Variants in KRT33B observed in about 807,000 individuals in gnomAD.
The protein encoded by KRT33B is keratin 33B, also known as keratin, type I cuticular Ha3-II.
In KRT33B, 37 loss-of-function variants were observed where a neutral mutation model predicts 42.7. The observed-to-expected ratio is 0.87, with a 90% CI of 0.67 to 1.14. The LOEUF is 1.14. Ranked by LOEUF, KRT33B falls within the 50% of genes most tolerant of loss-of-function variation. KRT33B has a pLI of 0.00. For synonymous variants in KRT33B, 237 were observed against 221.2 expected, an observed-to-expected ratio of 1.07 and a Z score of -0.63; for missense variants, 523 against 515.1, an observed-to-expected ratio of 1.02 and a Z score of -0.15.
chr17:41,363,902 T>C lies in KRT33B; in HGVS notation c.1149A>G (p.Gly383=). The change falls in exon 7 of 7, where the codon GGA becomes GGG. Residue 383 remains glycine (G), a synonymous_variant. Transcript: ENST00000251646. The part of the protein sequence containing the change: ...ATTNACEKPI[G]SCVTNPCGPR... ...GACCACAAGGATTGGTGACACAGGA[T>C]CCAATGGGCTTTTCACATGCATTGG... 2 of 1,611,740 alleles carry C rather than the reference T, an allele frequency of 1.2e-6. No homozygotes were observed.
intron 1 of KRT33B, among the ~76,000 whole-genome samples, chr17:41,368,627 A>T (rs778799082): frequency 6.6e-6 from 1 of 150,966 alleles, no homozygotes; most frequent in Non-Finnish European, 1.5e-5. Flanking sequence ...ACACTCTCCA[A>T]CTCTGGGTAA....
At chr17:41,364,026 C>T in intron 6 of KRT33B, 73 bp from the exon 7 acceptor site, 1 of 1,079,118 alleles carries the variant, frequency 9.3e-7, no homozygotes, top group South Asian at 1.4e-5. Flanking sequence ...TCCAAAGAGA[C>T]ACAGAAACAA....
rs779302453 is a variant in KRT33B, at chr17:41,369,437, G to A, written c.314C>T (p.Ser105Phe). The A allele has an allele frequency of 1.2e-6, 2 of 1,613,378 alleles. No individual in the cohort carries two copies. Among genetic ancestry groups the A allele is most frequent in the Admixed American group, 1.7e-5 (1 of 60,020 alleles). The change falls in exon 1 of 7, where the codon TCC becomes TTC. Residue 105 changes from serine to phenylalanine, a missense_variant. By Grantham distance (155) the Ser-to-Phe change is radical. Transcript: ENST00000251646. The stretch of plus-strand genomic sequence containing the variant: ...GAGCTCCTCAATGGTCTTGAAGTAG[G>A]ACTGGTAGCTGGGGCACAGCAAGGG... ...QEPLLCPSYQ[S>F]YFKTIEELQQ...
rs777871331 is a variant in KRT33B at position 41,363,849 on chromosome 17, G to A, written c.1202C>T (p.Thr401Ile). 6.8e-6 allele frequency: 11 copies of A among 1,606,196 alleles called. No homozygotes were observed. The highest frequency in any genetic ancestry group is 9.4e-6 in the Non-Finnish European group (11 of 1,175,690). Residue 401 changes from threonine to isoleucine, a missense_variant, in exon 7 of 7, where the codon ACC becomes ATC. Coordinates refer to ENST00000251646, the MANE Select transcript of KRT33B (RefSeq NM_002279.5). ...GCCCCAGGGTATCTAGTACCCAAAG[G>A]TGTTGCAAGGCCCACAGCGGGAACG... ...GPRSRCGPCN[T>I]FGY
rs995378936 is a variant in KRT33B at position 41,365,662 on chromosome 17, T to C, written c.589-109A>G. 6.4e-6 allele frequency: 9 copies of C among 1,401,862 alleles called. No individual in the cohort carries two copies. The African/African-American group carries it at 1.4e-4, about 21-fold the overall frequency. The allele number at this position is 1,401,862 out of a possible 1,614,324, so 86.8% of individuals were successfully genotyped here. A position where few individuals can be genotyped will look rare whatever the true frequency, so the allele number is the denominator to read the frequency against. On this transcript the variant is annotated intron_variant, in intron 3 of 6. Coordinates refer to ENST00000251646, the MANE Select transcript of KRT33B (RefSeq NM_002279.5). ...GGATTGCATTGCAGCTTAGGAAACATGAGTTGAAGCCCAGCTGTCACCTCT... is the reference window on the plus strand; with the variant it reads ...GGATTGCATTGCAGCTTAGGAAACACGAGTTGAAGCCCAGCTGTCACCTCT...
chr17:41,366,434 T>C, intron 3 of KRT33B, 36 bp downstream of exon 3: 12 of 1,608,646 alleles, frequency 7.5e-6, no homozygotes, highest in Non-Finnish European at 1.0e-5. Context: ...ATCACAGAGC[T>C]CTCAGTATTG....
At position 41,369,778 on chromosome 17, in the gene KRT33B, A is replaced by T; in HGVS notation, c.-28T>A. The T allele has an allele frequency of 6.3e-7, 1 of 1,597,732 alleles. No homozygotes were observed. The highest frequency in any genetic ancestry group is 8.5e-7 in the Non-Finnish European group (1 of 1,170,652). On this transcript the variant is annotated 5_prime_UTR_variant, in exon 1 of 7. Coordinates refer to ENST00000251646, the MANE Select transcript of KRT33B (RefSeq NM_002279.5). ...TGCAGGGAGGCAGTGGAGCTCTGGAAGTCAGTTTCAAAACCTGATTCCTTT... is the reference window on the plus strand; with the variant it reads ...TGCAGGGAGGCAGTGGAGCTCTGGATGTCAGTTTCAAAACCTGATTCCTTT...
Position 41,369,768 on chromosome 17 carries a change from G to A in KRT33B, c.-18C>T. ...TAGGGCATGGTGCAGGGAGGCAGTG[G>A]AGCTCTGGAAGTCAGTTTCAAAACC... is the stretch of plus-strand genomic sequence containing the variant. On this transcript the variant is annotated 5_prime_UTR_variant, in exon 1 of 7. Transcript: ENST00000251646. The A allele has an allele frequency of 6.2e-6, 10 of 1,607,410 alleles. No individual in the cohort carries two copies. The highest frequency in any genetic ancestry group is 8.5e-6 in the Non-Finnish European group (10 of 1,175,942).
chr17:41,364,988 C>T lies in KRT33B; in HGVS notation c.888G>A (p.Leu296=). ...CCTCGCTCTCTGTCAGCGTGTTTTC[C>T]AGAGAGTATCGCTGTGGTGGGAAAG... The part of the protein sequence containing the change: ...LQAQHNLRYS[L]ENTLTESEAR... Residue 296 remains leucine (L), a synonymous_variant, in exon 6 of 7, where the codon CTG becomes CTA. Transcript: ENST00000251646. 2 of 1,613,312 alleles carry T rather than the reference C, an allele frequency of 1.2e-6. No individual in the cohort carries two copies.
chr17:41,369,482 T>A lies in KRT33B; in HGVS notation c.269A>T (p.Glu90Val), dbSNP rs1490775162. ...DNAELENLIR[E>V]RSQQQEPLLC... ...CAAGGGCTCCTGCTGCTGAGACCGC[T>A]CCCGGATGAGGTTCTCCAGCTCCGC... Residue 90 changes from glutamate to valine, a missense_variant, in exon 1 of 7, where the codon GAG (glutamate) becomes GTG (valine). Coordinates refer to ENST00000251646, the MANE Select transcript of KRT33B (RefSeq NM_002279.5). 6.2e-7 allele frequency: 1 copy of A among 1,613,834 alleles called. No individual in the cohort carries two copies. Among genetic ancestry groups the A allele is most frequent in the Non-Finnish European group, 8.5e-7 (1 of 1,180,048 alleles).
At chr17:41,364,724 C>T in intron 6 of KRT33B, 55 bp downstream of exon 6, 3 of 1,601,830 alleles carry the variant, frequency 1.9e-6, no homozygotes, top group Non-Finnish European at 2.6e-6. Flanking sequence ...TCTGTTTTAT[C>T]CTACAGTAGA....
Position 41,369,669 on chromosome 17 carries a change from C to G in KRT33B, c.82G>C (p.Gly28Arg), listed in dbSNP as rs762971720. 1 of 1,613,770 alleles carries G rather than the reference C, an allele frequency of 6.2e-7. No individual in the cohort carries two copies. The highest frequency in any genetic ancestry group is 8.5e-7 in the Non-Finnish European group (1 of 1,179,974). The change falls in exon 1 of 7, where the codon GGC becomes CGC. Residue 28 changes from glycine (G) to arginine (R), a missense_variant. Coordinates refer to ENST00000251646, the MANE Select transcript of KRT33B (RefSeq NM_002279.5). ...SRPCVPPSCH[G>R]YTLPGACNIP... ...TTGCAGGCCCCGGGCAGGGTGTAGC[C>G]GTGGCAGCTGGGGGGCACACAGGGC...
rs1225266169 is a variant in KRT33B at position 41,369,270 on chromosome 17, A to G, written c.348+133T>C. 3 of 1,288,874 alleles carry G rather than the reference A, an allele frequency of 2.3e-6. No individual in the cohort carries two copies. The Admixed American group carries it at 7.6e-5, about 33-fold the overall frequency. The allele number at this position is 1,288,874 out of a possible 1,614,324, so 79.8% of individuals were successfully genotyped here. A position where few individuals can be genotyped will look rare whatever the true frequency, so the allele number is the denominator to read the frequency against. On this transcript the variant is annotated intron_variant, in intron 1 of 6. Transcript: ENST00000251646. ...ATTTTCTAAGACTACTTGATGTCATACCTAAGCCAGTGAATCTATGTCTTT... is the reference window on the plus strand; with the variant it reads ...ATTTTCTAAGACTACTTGATGTCATGCCTAAGCCAGTGAATCTATGTCTTT...
At position 41,369,450 on chromosome 17, in the gene KRT33B, G is replaced by A. The variant is rs9903685; in HGVS notation, c.301C>T (p.Pro101Ser). Residue 101 changes from proline (P) to serine (S), a missense_variant, in exon 1 of 7, where the codon CCC becomes TCC. Coordinates refer to ENST00000251646, the MANE Select transcript of KRT33B (RefSeq NM_002279.5). ...RSQQQEPLLC[P>S]SYQSYFKTIE... ...GTCTTGAAGTAGGACTGGTAGCTGGGGCACAGCAAGGGCTCCTGCTGCTGA... is the reference window on the plus strand; with the variant it reads ...GTCTTGAAGTAGGACTGGTAGCTGGAGCACAGCAAGGGCTCCTGCTGCTGA... 35 of 1,611,442 alleles carry A rather than the reference G, an allele frequency of 2.2e-5. No individual in the cohort carries two copies. The highest frequency in any genetic ancestry group is 2.9e-5 in the Non-Finnish European group (34 of 1,180,050).
At position 41,363,870 on chromosome 17, in the gene KRT33B, G is replaced by A; in HGVS notation, c.1181C>T (p.Ser394Phe). The A allele has an allele frequency of 6.2e-7, 1 of 1,611,326 alleles. No individual in the cohort carries two copies. The highest frequency in any genetic ancestry group is 8.5e-7 in the Non-Finnish European group (1 of 1,179,274). The change falls in exon 7 of 7, where the codon TCC becomes TTC. Residue 394 changes from serine to phenylalanine, a missense_variant. By Grantham distance (155) the Ser-to-Phe change is radical. Coordinates refer to ENST00000251646, the MANE Select transcript of KRT33B (RefSeq NM_002279.5). ...SCVTNPCGPR[S>F]RCGPCNTFGY ...AAAGGTGTTGCAAGGCCCACAGCGG[G>A]AACGAGGACCACAAGGATTGGTGAC...
At position 41,369,447 on chromosome 17, in the gene KRT33B, T is replaced by C; in HGVS notation, c.304A>G (p.Ser102Gly). The change falls in exon 1 of 7, where the codon AGC becomes GGC. Residue 102 changes from serine (S) to glycine (G), a missense_variant. By Grantham distance (56) the Ser-to-Gly change is moderately conservative. Coordinates refer to ENST00000251646, the MANE Select transcript of KRT33B (RefSeq NM_002279.5). Reference sequence around the variant, plus strand: ...ATGGTCTTGAAGTAGGACTGGTAGCTGGGGCACAGCAAGGGCTCCTGCTGC... The same window carrying C: ...ATGGTCTTGAAGTAGGACTGGTAGCCGGGGCACAGCAAGGGCTCCTGCTGC... ...SQQQEPLLCP[S>G]YQSYFKTIEE... 1 of 1,613,414 alleles carries C rather than the reference T, an allele frequency of 6.2e-7. No individual in the cohort carries two copies.
chr17:41,363,957 G>C lies in KRT33B; in HGVS notation c.1098-4C>G. 6.3e-7 allele frequency: 1 copy of C among 1,593,430 alleles called. No individual in the cohort carries two copies. Among genetic ancestry groups the C allele is most frequent in the Non-Finnish European group, 8.6e-7 (1 of 1,164,648 alleles). On this transcript the variant is annotated splice_region_variant and splice_polypyrimidine_tract_variant and intron_variant, in intron 6 of 6. Transcript: ENST00000251646. ...GGCGCAGGGGTTGGAGGGCAGCCTG[G>C]GATGCAGAAGCATTAGACTGTCAGC...
chr17:41,366,446 G>C lies in KRT33B; in HGVS notation c.588+24C>G, dbSNP rs375952017. ...GGGATCACAGAGCTCTCAGTATTGG[G>C]ATATTGGGGGCTGGGACTCTTACCT... On this transcript the variant is annotated intron_variant, in intron 3 of 6. Transcript: ENST00000251646. 1.4e-5 allele frequency: 22 copies of C among 1,610,830 alleles called. No homozygotes were observed. The African/African-American group carries it at 2.6e-4, about 19-fold the overall frequency.
intron 1 of KRT33B, among the ~76,000 whole-genome samples, chr17:41,368,212 C>T (rs1320345646): frequency 6.6e-6 from 1 of 151,290 alleles, no homozygotes; most frequent in Non-Finnish European, 1.5e-5. Flanking sequence ...CTGCTTCTGG[C>T]TTCCTGCAAT....
Sources: allele counts gnomAD v4.1 joint callset (sites outside exome capture counted in the v4.1 genomes callset), GRCh38; gene constraint gnomAD v4.1.1; transcripts MANE v1.5; gene names NCBI Gene and HGNC (gene_info 2026-07-23, HGNC 2026-07-21).